Variants in AXDND1 observed in about 807,000 individuals in gnomAD.
AXDND1 encodes axonemal dynein light chain domain containing 1.
In AXDND1, 110 loss-of-function variants were observed where a neutral mutation model predicts 137.5. The ratio of observed to expected loss-of-function variants is 0.80; its 90% CI spans 0.69 to 0.94. AXDND1 has a LOEUF of 0.94. Ranked by LOEUF, AXDND1 falls within the 40% of genes least tolerant of loss-of-function variation. AXDND1 has a pLI of 0.00. For missense variants in AXDND1, 1,191 were observed against 1,169.8 expected (o/e 1.02, Z -0.26); for synonymous variants, 414 against 399.7 (o/e 1.04, Z -0.43).
chr1:179,397,401 C>G (rs1451340828), intron 11 of AXDND1, among the ~76,000 whole-genome samples: 5 of 152,022 alleles, frequency 3.3e-5, no homozygotes, highest in Non-Finnish European at 7.4e-5. Flanking sequence ...ACTTTTCTTT[C>G]TAGATGCCTT....
Position 179,366,393 on chromosome 1 carries a change from T to C in AXDND1, c.-106-11T>C. 1.5e-6 allele frequency: 1 copy of C among 654,224 alleles called. No individual in the cohort carries two copies. Among genetic ancestry groups the C allele is most frequent in the Non-Finnish European group, 2.6e-6 (1 of 379,784 alleles). The allele number at this position is 654,224 out of a possible 1,614,324, so 40.5% of individuals were successfully genotyped here. On this transcript the variant is annotated splice_polypyrimidine_tract_variant and intron_variant, in intron 1 of 25. Transcript: ENST00000367618. ...TTTTTTTTTTTTAAATCTTTTTTCC[T>C]CTGCCTGCAGGACTATGTGGCAGCC... is the stretch of plus-strand genomic sequence containing the variant.
At chr1:179,456,508 C>T (rs1661428001) in intron 16 of AXDND1, 2 of 772,326 alleles carry the variant, frequency 2.6e-6, no homozygotes, top group Non-Finnish European at 2.4e-6. Flanking sequence ...TAGCCACTGC[C>T]CTGGCTTCCA....
At chr1:179,499,151 C>T (rs1667750711) in intron 20 of AXDND1, among the ~76,000 whole-genome samples, 1 of 152,054 alleles carries the variant, frequency 6.6e-6, no homozygotes, top group African/African-American at 2.4e-5. Context: ...CTGTGCTATT[C>T]ACAAGAGCAA....
intron 17 of AXDND1, among the ~76,000 whole-genome samples, chr1:179,476,100 G>T (rs1173150101): frequency 6.6e-6 from 1 of 152,172 alleles, no homozygotes; most frequent in East Asian, 1.9e-4. Context: ...CCCCAGCCAT[G>T]TGGAACTGTG....
At chr1:179,525,812 C>T (rs1670483868) in intron 22 of AXDND1, among the ~76,000 whole-genome samples, 1 of 138,314 alleles carries the variant, frequency 7.2e-6, no homozygotes, top group East Asian at 2.2e-4. Flanking sequence ...TATATATACA[C>T]AGACATATAT....
chr1:179,543,195 C>T (rs1003070141), intron 25 of AXDND1: 3 of 152,114 alleles, frequency 2.0e-5, no homozygotes, highest in African/African-American at 7.2e-5. Flanking sequence ...AAGACCTGGA[C>T]AGAGTAGGGG....
At chr1:179,389,668 T>G (rs1229760142) in intron 9 of AXDND1, among the ~76,000 whole-genome samples, 2 of 152,170 alleles carry the variant, frequency 1.3e-5, no homozygotes, top group Admixed American at 6.6e-5. Flanking sequence ...CTATTTTTTG[T>G]TTGTTCTTAT....
At chr1:179,399,500 C>G (rs1651606404) in intron 11 of AXDND1, among the ~76,000 whole-genome samples, 1 of 152,136 alleles carries the variant, frequency 6.6e-6, no homozygotes. Context: ...GAAAACCCTT[C>G]TAGACATTGG....
In AXDND1 at chr1:179,531,608, T is replaced by G. The variant is rs149314222; in HGVS notation, c.2716-2187T>G. On this transcript the variant is annotated intron_variant, in intron 23 of 25. Coordinates refer to ENST00000367618, the MANE Select transcript of AXDND1 (RefSeq NM_144696.6). ...GTGCTATTCTAGTAGGGGACGAGGT[T>G]GATTGATATTTGGGGATATTGGTAC... is the stretch of plus-strand genomic sequence containing the variant. Among the ~76,000 whole-genome samples the G allele has an allele frequency of 4.0e-3, 604 of 152,208 alleles. 4 individuals carry two copies. The highest frequency in any genetic ancestry group is 0.014 in the African/African-American group (575 of 41,522).
At chr1:179,403,547 A>G (rs1455170473) in intron 11 of AXDND1, among the ~76,000 whole-genome samples, 1 of 152,192 alleles carries the variant, frequency 6.6e-6, no homozygotes, top group Non-Finnish European at 1.5e-5. Flanking sequence ...GGAGATACAA[A>G]CTACTCATGC....
intron 16 of AXDND1, among the ~76,000 whole-genome samples, chr1:179,458,452 A>G (rs549638563): frequency 2.6e-5 from 4 of 152,260 alleles, no homozygotes; most frequent in Admixed American, 2.6e-4. Context: ...ATATAGTACA[A>G]ATAAACCCAT....
At chr1:179,422,037 T>G (rs1014367008) in intron 12 of AXDND1, among the ~76,000 whole-genome samples, 1 of 100,378 alleles carries the variant, frequency 1.0e-5, no homozygotes, top group Non-Finnish European at 2.1e-5. Flanking sequence ...CGAAACTCCA[T>G]CTCAAAAGAA....
At chr1:179,530,968 C>G (rs757064736) in intron 23 of AXDND1, among the ~76,000 whole-genome samples, 4 of 152,168 alleles carry the variant, frequency 2.6e-5, no homozygotes, top group Admixed American at 6.5e-5. Flanking sequence ...GGCCACACCA[C>G]GTAGGAGATG....
intron 21 of AXDND1, among the ~76,000 whole-genome samples, chr1:179,511,390 T>TGGGG (rs750326309): frequency 7.3e-5 from 7 of 95,686 alleles, no homozygotes; most frequent in Non-Finnish European, 1.1e-4. Context: ...ATATGGTATA[T>TGGGG]GGGGTGTGTG....
Position 179,394,036 on chromosome 1 carries a change from C to T in AXDND1, c.997C>T (p.Leu333=). The T allele has an allele frequency of 6.2e-7, 1 of 1,602,366 alleles. No individual in the cohort carries two copies. Among genetic ancestry groups the T allele is most frequent in the East Asian group, 2.3e-5 (1 of 44,196 alleles). ...TAATTTCAAGCATGTTATTGAAGAA[C>T]TGACCAGGTAAAAACTGTGATTATC... is the stretch of plus-strand genomic sequence containing the variant. ...LYNFKHVIEE[L]TRELCLVRAH... is the part of the protein sequence containing the mutation. The change falls in exon 10 of 26, where the codon CTG becomes TTG. Residue 333 remains leucine, a synonymous_variant. Transcript: ENST00000367618.
chr1:179,528,767 C>G (rs957396073), intron 23 of AXDND1, among the ~76,000 whole-genome samples: 3 of 148,674 alleles, frequency 2.0e-5, no homozygotes, highest in Non-Finnish European at 4.4e-5. Flanking sequence ...AATTTTTGTA[C>G]TTTTAGCAGG....
intron 16 of AXDND1, chr1:179,449,347 C>A: frequency 3.4e-6 from 1 of 295,676 alleles, no homozygotes; most frequent in Non-Finnish European, 6.7e-6. Context: ...GATCTCTGGG[C>A]TTATTTTGTA....
Position 179,466,282 on chromosome 1 carries a change from C to CTTTTTTTTTT in AXDND1, c.1799-2159_1799-2158insTTTTTTTTTT, listed in dbSNP as rs1491121382. 2.3e-4 allele frequency among the ~76,000 whole-genome samples: 22 copies of CTTTTTTTTTT among 95,650 alleles called. 1 individual carries two copies. The highest frequency in any genetic ancestry group is 4.3e-4 in the Non-Finnish European group (21 of 48,958). The allele number at this position is 95,650 out of a possible 152,430, so 62.8% of individuals were successfully genotyped here. A position where few individuals can be genotyped will look rare whatever the true frequency, so the allele number is the denominator to read the frequency against. On this transcript the variant is annotated intron_variant, in intron 16 of 25. Transcript: ENST00000367618. ...TTTCTTTTCTTTCTTTCTTCTTCTT[C>CTTTTTTTTTT]TTCTTTTTTTTTTTTTTTTTTGAGA... is the stretch of plus-strand genomic sequence containing the variant.
Position 179,525,368 on chromosome 1 carries a change from A to T in AXDND1, c.2531A>T (p.Asp844Val), listed in dbSNP as rs1670431083. Residue 844 changes from aspartate to valine, a missense_variant, in exon 22 of 26, where the codon GAC becomes GTC. Transcript: ENST00000367618. ...AVKEFIEPEIDESFKEDEEES... is the reference protein window; with the variant it reads ...AVKEFIEPEIVESFKEDEEES... Reference sequence around the variant, plus strand: ...AAAGAATTCATTGAGCCTGAAATAGACGAGTCTTTTAAAGAAGATGAAGAA... The same window carrying T: ...AAAGAATTCATTGAGCCTGAAATAGTCGAGTCTTTTAAAGAAGATGAAGAA... 1.2e-6 allele frequency: 2 copies of T among 1,612,292 alleles called. No individual in the cohort carries two copies. The highest frequency in any genetic ancestry group is 2.7e-5 in the African/African-American group (2 of 74,866).
Sources: gnomAD v4.1 joint callset for allele counts (sites outside exome capture counted in the v4.1 genomes callset) on GRCh38, gnomAD v4.1.1 for gene constraint, MANE v1.5 for transcripts, NCBI Gene and HGNC (gene_info 2026-07-23, HGNC 2026-07-21) for gene names.